The following CCDC91 variants were observed in gnomAD, a reference collection of about 807,000 sequenced individuals.
CCDC91 encodes the protein coiled-coil domain containing 91, also known as coiled-coil domain-containing protein 91.
In CCDC91, 48 loss-of-function variants were observed where a neutral mutation model predicts 63.2. That is an observed-to-expected ratio of 0.76 (90% CI 0.60 to 0.97). The LOEUF (loss-of-function observed/expected upper bound fraction) is 0.97. CCDC91 is among the 50% of genes least tolerant of loss of function. The pLI, the probability that CCDC91 is intolerant of heterozygous loss-of-function variation, is 0.00. For missense variants in CCDC91, 500 were observed against 494.6 expected, an observed-to-expected ratio of 1.01 and a Z score of -0.10; for synonymous variants, 167 against 165.8, an observed-to-expected ratio of 1.01 and a Z score of -0.06.
chr12:28,271,322 A>G (rs895540998), intron 3 of CCDC91, among the ~76,000 whole-genome samples: 6 of 151,820 alleles, frequency 4.0e-5, no homozygotes, highest in African/African-American at 1.5e-4. Context: ...ATTATTTTCT[A>G]TTGTCTATTT....
chr12:28,535,651 A>T (rs1592987288), intron 12 of CCDC91, among the ~76,000 whole-genome samples: 2 of 152,330 alleles, frequency 1.3e-5, no homozygotes, highest in East Asian at 1.9e-4. Flanking sequence ...AGTAGAAATG[A>T]TGCTTGGTAA....
At chr12:28,346,156 C>T (rs1942796279) in intron 6 of CCDC91, among the ~76,000 whole-genome samples, 1 of 152,132 alleles carries the variant, frequency 6.6e-6, no homozygotes. Context: ...CTGTGAATCT[C>T]AAGTGTCCTG....
At chr12:28,369,242 A>G (rs1217243277) in intron 7 of CCDC91, among the ~76,000 whole-genome samples, 1 of 152,252 alleles carries the variant, frequency 6.6e-6, no homozygotes, top group Non-Finnish European at 1.5e-5. Flanking sequence ...CAGTGGTAGT[A>G]CAGGCATTGG....
intron 8 of CCDC91, among the ~76,000 whole-genome samples, chr12:28,415,133 T>A (rs1251119220): frequency 6.6e-6 from 1 of 152,140 alleles, no homozygotes; most frequent in Non-Finnish European, 1.5e-5. Flanking sequence ...CTTTAAGGTT[T>A]ATCTATTTTT....
At position 28,195,697 on chromosome 12, in the gene CCDC91, T is replaced by A. The variant is rs115126244; in HGVS notation, c.-15+5056T>A. Among the ~76,000 whole-genome samples, 885 of 152,366 alleles carry A rather than the reference T, an allele frequency of 5.8e-3. 12 individuals are homozygous for A. Among genetic ancestry groups the A allele is most frequent in the African/African-American group, 0.02 (825 of 41,592 alleles). The stretch of plus-strand genomic sequence containing the variant: ...TTCTTTCCATGTACATTTTAGAATC[T>A]CTTTATTTCTATATAAAAGCATTGT... On this transcript the variant is annotated intron_variant, in intron 1 of 12. Transcript: ENST00000536442.
At chr12:28,434,607 T>TG (rs1948804803) in intron 8 of CCDC91, among the ~76,000 whole-genome samples, 1 of 132,346 alleles carries the variant, frequency 7.6e-6, no homozygotes, top group Non-Finnish European at 1.8e-5. Flanking sequence ...TTTTTTTTTT[T>TG]TTTTTTTTTT....
At chr12:28,478,770 AAATC>A (rs1279159792) in intron 11 of CCDC91, among the ~76,000 whole-genome samples, 1 of 152,152 alleles carries the variant, frequency 6.6e-6, no homozygotes, top group African/African-American at 2.4e-5. Context: ...TTACAAGAGA[AAATC>A]AAACAACCCC....
intron 12 of CCDC91, among the ~76,000 whole-genome samples, chr12:28,507,392 A>G (rs778550336): frequency 2.0e-5 from 3 of 151,994 alleles, no homozygotes; most frequent in Non-Finnish European, 4.4e-5. Flanking sequence ...CCACCACCCA[A>G]TAGATGCCAG....
intron 8 of CCDC91, among the ~76,000 whole-genome samples, chr12:28,405,591 G>C (rs2139597968): frequency 6.6e-6 from 1 of 152,220 alleles, no homozygotes. Context: ...GTGAACACAA[G>C]ATGATACATA....
intron 6 of CCDC91, among the ~76,000 whole-genome samples, chr12:28,326,774 G>A (rs1275136172): frequency 6.6e-6 from 1 of 151,930 alleles, no homozygotes; most frequent in Non-Finnish European, 1.5e-5. Context: ...AATGAAACCG[G>A]CTTTATTGTA....
chr12:28,418,355 C>T (rs1022973133), intron 8 of CCDC91, among the ~76,000 whole-genome samples: 2 of 152,050 alleles, frequency 1.3e-5, no homozygotes, highest in African/African-American at 2.4e-5. Context: ...ATAAAACATT[C>T]ATCAATAAAC....
chr12:28,234,503 A>G (rs1231627615), intron 1 of CCDC91, among the ~76,000 whole-genome samples: 3 of 152,200 alleles, frequency 2.0e-5, no homozygotes, highest in African/African-American at 4.8e-5. Context: ...AAAGATATTT[A>G]GTGAAATTAT....
intron 6 of CCDC91, among the ~76,000 whole-genome samples, chr12:28,325,386 C>T (rs560443596): frequency 1.3e-5 from 2 of 152,038 alleles, no homozygotes; most frequent in Admixed American, 6.6e-5. Context: ...CTTCTATGTT[C>T]CAAGTTCTAT....
chr12:28,311,110 C>A (rs1939275947), intron 6 of CCDC91, among the ~76,000 whole-genome samples: 1 of 151,880 alleles, frequency 6.6e-6, no homozygotes, highest in Admixed American at 6.6e-5. Flanking sequence ...ATGTCAGGTG[C>A]AAGTAAAATG....
intron 3 of CCDC91, among the ~76,000 whole-genome samples, chr12:28,260,678 T>C (rs758875497): frequency 1.8e-4 from 28 of 152,126 alleles, no homozygotes; most frequent in Middle Eastern, 3.4e-3. Flanking sequence ...CTATGTCTGT[T>C]TGTCCTGTTG....
chr12:28,356,390 A>G (rs1943529293), intron 6 of CCDC91, among the ~76,000 whole-genome samples: 1 of 151,772 alleles, frequency 6.6e-6, no homozygotes, highest in African/African-American at 2.4e-5. Flanking sequence ...TTTTTGCACT[A>G]CTCTGGCATT....
intron 12 of CCDC91, 114 bp downstream of exon 12, chr12:28,484,279 G>A (rs1951604659): frequency 4.1e-6 from 2 of 491,050 alleles, no homozygotes; most frequent in South Asian, 6.7e-5. Context: ...TCTAACTTAC[G>A]GATCTTCATC....
At chr12:28,442,103 A>T (rs1247899783) in intron 8 of CCDC91, among the ~76,000 whole-genome samples, 1 of 152,118 alleles carries the variant, frequency 6.6e-6, no homozygotes, top group Admixed American at 6.5e-5. Context: ...TACTATCTAT[A>T]TGTTCAAAGC....
At chr12:28,473,814 A>G (rs1376207050) in intron 11 of CCDC91, among the ~76,000 whole-genome samples, 2 of 152,134 alleles carry the variant, frequency 1.3e-5, no homozygotes, top group Non-Finnish European at 2.9e-5. Flanking sequence ...ACAAAAAGCT[A>G]TTCCAAACAA....
Sources: gnomAD v4.1 joint callset for allele counts (sites outside exome capture counted in the v4.1 genomes callset) on GRCh38, gnomAD v4.1.1 for gene constraint, MANE v1.5 for transcripts, NCBI Gene and HGNC (gene_info 2026-07-23, HGNC 2026-07-21) for gene names.